RUSC1: variants seen among roughly 807,000 people sequenced by gnomAD.
RUSC1 encodes RUN and SH3 domain containing 1.
Under a neutral mutation model 72.1 loss-of-function variants are expected in RUSC1, and 40 were observed. That is an observed-to-expected ratio of 0.55 (90% CI 0.43 to 0.72). The LOEUF (loss-of-function observed/expected upper bound fraction) is 0.72, where lower values mean the gene tolerates loss of function less well. Among genes scored for constraint, RUSC1 ranks in the 30% least tolerant of loss-of-function variants. RUSC1 has a pLI of 0.00. For missense variants in RUSC1, 1,092 were observed against 1,172.3 expected (o/e 0.93, Z 1.00); for synonymous variants, 512 against 494.2 (o/e 1.04, Z -0.48).
At chr1:155,328,036 C>G (rs2148284586) in intron 8 of RUSC1, 114 bp from the exon 9 acceptor site, 1 of 1,382,624 alleles carries the variant, frequency 7.2e-7, no homozygotes, top group African/African-American at 1.4e-5. Flanking sequence ...TGACTAACCC[C>G]TGACCTCTTT....
Position 155,322,592 on chromosome 1 carries a change from C to A in RUSC1, c.819C>A (p.Phe273Leu). ...GCTGGAAAAGTGAACCTGAAAAATT[C>A]GACTCTGGTTGGAAAACCAACACAA... ...NSSWKSEPEKFDSGWKTNTRI... is the reference protein window; with the variant it reads ...NSSWKSEPEKLDSGWKTNTRI... Residue 273 changes from phenylalanine to leucine, a missense_variant, in exon 2 of 10, where the codon TTC becomes TTA. Transcript: ENST00000368352. 4 of 1,614,210 alleles carry A rather than the reference C, an allele frequency of 2.5e-6. No individual in the cohort carries two copies. The highest frequency in any genetic ancestry group is 3.4e-6 in the Non-Finnish European group (4 of 1,180,042).
In RUSC1 at chr1:155,325,209, T is replaced by C; in HGVS notation, c.1533+31T>C. On this transcript the variant is annotated intron_variant, in intron 4 of 9. Transcript: ENST00000368352. The surrounding 1 kb of genome is among the most constrained non-coding windows in gnomAD (Gnocchi z 6.5). ...GGTGGCTGGGGGGAGGCTGTTGGGA[T>C]GAGGAGAGTAATGGAGCTCCGCGGG... is the stretch of plus-strand genomic sequence containing the variant. The C allele has an allele frequency of 6.2e-7, 1 of 1,613,834 alleles. No individual in the cohort carries two copies. Among genetic ancestry groups the C allele is most frequent in the South Asian group, 1.1e-5 (1 of 91,060 alleles).
chr1:155,327,561 G>A (rs186856420), intron 8 of RUSC1, among the ~76,000 whole-genome samples: 25 of 152,340 alleles, frequency 1.6e-4, no homozygotes, highest in Non-Finnish European at 3.2e-4. Flanking sequence ...AGGGTCAACT[G>A]TATTTACTAT....
chr1:155,321,093 G>A (rs754865207), intron 1 of RUSC1, 102 bp downstream of exon 1: 201 of 1,397,628 alleles, frequency 1.4e-4, no homozygotes, highest in Middle Eastern at 4.0e-4. Flanking sequence ...GGGTGCGGTG[G>A]TGGCTGAACG....
chr1:155,328,438 AT>A (rs111541385), intron 9 of RUSC1, among the ~76,000 whole-genome samples, 163 bp downstream of exon 9: 461 of 141,490 alleles, frequency 3.3e-3, no homozygotes, highest in Admixed American at 3.3e-3. Flanking sequence ...TGAGCCTTGG[AT>A]TTTTTTTTTT....
chr1:155,328,095 G>A, intron 8 of RUSC1, 55 bp from the exon 9 acceptor site: 1 of 1,580,620 alleles, frequency 6.3e-7, no homozygotes, highest in Non-Finnish European at 8.6e-7. Context: ...AAACCCCAGG[G>A]TTCTTGGGTT....
intron 9 of RUSC1, among the ~76,000 whole-genome samples, chr1:155,330,052 G>C (rs1029532907): frequency 6.6e-6 from 1 of 151,882 alleles, no homozygotes; most frequent in African/African-American, 2.4e-5. Flanking sequence ...GAGATGCCCA[G>C]GTTTTTACCA....
At position 155,326,516 on chromosome 1, in the gene RUSC1, G is replaced by A; in HGVS notation, c.1862-64G>A. 6.6e-7 allele frequency: 1 copy of A among 1,512,038 alleles called. No individual in the cohort carries two copies. The allele number at this position is 1,512,038 out of a possible 1,614,324, so 93.7% of individuals were successfully genotyped here. On this transcript the variant is annotated intron_variant, in intron 7 of 9. Transcript: ENST00000368352. This position sits in a 1 kb window ranked among gnomAD's most constrained non-coding sequence, Gnocchi z 4.7. ...GAAGATGTGTGCTGACTGGTGGGCT[G>A]CTCTGGGGGGTCTTCTGGGACTAGG...
chr1:155,325,592 C>T lies in RUSC1; in HGVS notation c.1734C>T (p.Thr578=), dbSNP rs753833376. 1 of 1,611,898 alleles carries T rather than the reference C, an allele frequency of 6.2e-7. No individual in the cohort carries two copies. The highest frequency in any genetic ancestry group is 8.5e-7 in the Non-Finnish European group (1 of 1,179,954). Residue 578 remains threonine, a synonymous_variant, in exon 6 of 10, where the codon ACC becomes ACT. Transcript: ENST00000368352. This position sits in a 1 kb window ranked among gnomAD's most constrained non-coding sequence, Gnocchi z 6.5. The part of the protein sequence containing the change: ...KPGSSTRSLG[T]LYSQVSRLAP... The stretch of plus-strand genomic sequence containing the variant: ...GCTCCAGCACCCGCTCCCTTGGAAC[C>T]CTGTATAGCCAGGTCAGCCGTCTAG...
Position 155,323,091 on chromosome 1 carries a change from C to T in RUSC1, c.1318C>T (p.Pro440Ser), listed in dbSNP as rs1183464147. ...AVSPAAGEEA[P>S]AAKEPGAQAG... The stretch of plus-strand genomic sequence containing the variant: ...CAGCCCAGCGGCTGGCGAGGAGGCC[C>T]CAGCCGCGAAGGAGCCGGGCGCGCA... Residue 440 changes from proline to serine, a missense_variant, in exon 2 of 10, where the codon CCA (proline) becomes TCA (serine). Transcript: ENST00000368352. 1.5e-5 allele frequency: 22 copies of T among 1,426,426 alleles called. No individual in the cohort carries two copies. Among genetic ancestry groups the T allele is most frequent in the African/African-American group, 1.5e-5 (1 of 67,712 alleles). 88.4% of individuals were successfully genotyped at this position (1,426,426 alleles called of 1,614,324 possible). A position where few individuals can be genotyped will look rare whatever the true frequency, so the allele number is the denominator to read the frequency against.
intron 1 of RUSC1, chr1:155,321,309 G>T: frequency 7.3e-7 from 1 of 1,371,708 alleles, no homozygotes; most frequent in Non-Finnish European, 9.8e-7. Flanking sequence ...CTCCTTTCAG[G>T]GCATCTGGGT....
chr1:155,329,939 T>A, intron 9 of RUSC1, among the ~76,000 whole-genome samples: 1 of 130,850 alleles, frequency 7.6e-6, no homozygotes, highest in Admixed American at 8.7e-5. Context: ...CAACAGAGAC[T>A]GACTCTGTCT....
intron 8 of RUSC1, among the ~76,000 whole-genome samples, chr1:155,327,949 T>G (rs540268671): frequency 2.3e-4 from 35 of 152,324 alleles, no homozygotes; most frequent in African/African-American, 7.5e-4. Context: ...ATTTGTGGTG[T>G]TGTGGACTTT....
Position 155,326,006 on chromosome 1 carries a change from C to CA in RUSC1, c.1861+97dup, listed in dbSNP as rs1248316933. On this transcript the variant is annotated intron_variant, in intron 7 of 9. Coordinates refer to ENST00000368352, the MANE Select transcript of RUSC1 (RefSeq NM_001105203.2). The surrounding 1 kb of genome is among the most constrained non-coding windows in gnomAD (Gnocchi z 4.7). ...CTGGTTCCCACTGCTGCCAGAATGC[C>CA]ATTAATCCAGATCTCCGATCTTATT... 7.9e-7 allele frequency: 1 copy of CA among 1,268,884 alleles called. No individual in the cohort carries two copies. Among genetic ancestry groups the CA allele is most frequent in the African/African-American group, 1.5e-5 (1 of 67,942 alleles). The allele number at this position is 1,268,884 out of a possible 1,614,324, so 78.6% of individuals were successfully genotyped here.
At position 155,326,756 on chromosome 1, in the gene RUSC1, G is replaced by A. The variant is rs139448048; in HGVS notation, c.2038G>A (p.Ala680Thr). ...GCCCCTGGGCCCACCTCAGGCCCCT[G>A]CCCCTCCAGGCCCACCTCCAGCTCT... ...HLPLGPPQAP[A>T]PPGPPPALQQ... Residue 680 changes from alanine (A) to threonine (T), a missense_variant, in exon 8 of 10, where the codon GCC (alanine) becomes ACC (threonine). Transcript: ENST00000368352. This position sits in a 1 kb window ranked among gnomAD's most constrained non-coding sequence, Gnocchi z 4.7. The A allele has an allele frequency of 2.4e-5, 39 of 1,612,952 alleles. No individual in the cohort carries two copies. The highest frequency in any genetic ancestry group is 3.2e-5 in the Non-Finnish European group (38 of 1,180,018).
chr1:155,328,001 A>G (rs2148284491), intron 8 of RUSC1, 149 bp from the exon 9 acceptor site: 1 of 990,562 alleles, frequency 1.0e-6, no homozygotes. Context: ...CCTGTGTCCA[A>G]TAATGAACAC....
intron 2 of RUSC1, chr1:155,323,942 C>T: frequency 2.0e-6 from 2 of 994,334 alleles, no homozygotes; most frequent in East Asian, 1.1e-4. Context: ...TTTAAGCCGA[C>T]TCCAAGCAAG....
Position 155,321,411 on chromosome 1 carries a change from GC to G in RUSC1, c.-86-274del, listed in dbSNP as rs745544492. 13 of 1,397,088 alleles carry G rather than the reference GC, an allele frequency of 9.3e-6. No individual in the cohort carries two copies. The South Asian group carries it at 1.5e-4, about 16-fold the overall frequency. The allele number at this position is 1,397,088 out of a possible 1,614,324, so 86.5% of individuals were successfully genotyped here. ...GCAGGGACCTGGAGGTCCATTCTGG[GC>G]CCGGACCTCTTCCAGGCCCCCGCCC... On this transcript the variant is annotated intron_variant, in intron 1 of 9. Coordinates refer to ENST00000368352, the MANE Select transcript of RUSC1 (RefSeq NM_001105203.2).
intron 1 of RUSC1, chr1:155,321,407 C>G: frequency 7.2e-7 from 1 of 1,395,120 alleles, no homozygotes; most frequent in Non-Finnish European, 9.6e-7. Flanking sequence ...GAGGTCCATT[C>G]TGGGCCCGGA....
Sources: allele counts gnomAD v4.1 joint callset (sites outside exome capture counted in the v4.1 genomes callset), GRCh38; gene constraint gnomAD v4.1.1; non-coding constraint Gnocchi (gnomAD v3.1); transcripts MANE v1.5; gene names NCBI Gene and HGNC (gene_info 2026-07-23, HGNC 2026-07-21).